The following KALRN variants were observed in gnomAD, a reference collection of about 807,000 sequenced individuals.
KALRN encodes the protein kalirin.
KALRN carries 70 observed loss-of-function variants against 353.7 expected under a neutral mutation model. The observed-to-expected ratio is 0.20, with a 90% CI of 0.16 to 0.24. The LOEUF is 0.24. Among genes scored for constraint, KALRN ranks in the 10% least tolerant of loss-of-function variants. The pLI is 1.00. For missense variants in KALRN, 2,791 were observed against 3,756.7 expected (o/e 0.74, Z 6.72); for synonymous variants, 1,391 against 1,434.8 (o/e 0.97, Z 0.69).
At chr3:124,631,535 G>A (rs1257413197) in intron 34 of KALRN, among the ~76,000 whole-genome samples, 1 of 152,054 alleles carries the variant, frequency 6.6e-6, no homozygotes, top group African/African-American at 2.4e-5. Context: ...CACATAGTCT[G>A]TCAGCAATTC....
chr3:124,517,823 G>A (rs576923504), intron 33 of KALRN, among the ~76,000 whole-genome samples: 3 of 152,132 alleles, frequency 2.0e-5, no homozygotes, highest in Admixed American at 6.5e-5. Context: ...TACTGTCAAC[G>A]ATGTACTATA....
At chr3:124,569,356 G>A (rs1230407399) in intron 34 of KALRN, among the ~76,000 whole-genome samples, 1 of 152,084 alleles carries the variant, frequency 6.6e-6, no homozygotes, top group Non-Finnish European at 1.5e-5. Context: ...ATAAAACTTG[G>A]GCTCTGAAGG....
At chr3:124,461,258 T>TA (rs1050612362) in intron 23 of KALRN, among the ~76,000 whole-genome samples, 1 of 152,204 alleles carries the variant, frequency 6.6e-6, no homozygotes, top group African/African-American at 2.4e-5. Flanking sequence ...TATTTTTTTT[T>TA]ACACATTGTC....
intron 57 of KALRN, among the ~76,000 whole-genome samples, chr3:124,710,588 A>C (rs1455379786): frequency 6.6e-6 from 1 of 152,164 alleles, no homozygotes; most frequent in Non-Finnish European, 1.5e-5. Flanking sequence ...GGAATTCAAG[A>C]CCAGCCTCGG....
chr3:124,045,351 A>G (rs1251868530), intron 1 of KALRN, among the ~76,000 whole-genome samples: 1 of 152,204 alleles, frequency 6.6e-6, no homozygotes, highest in East Asian at 1.9e-4. Flanking sequence ...ATAGGGAGTA[A>G]TGTCACAGCT....
chr3:124,040,937 G>A (rs879540950), intron 1 of KALRN, among the ~76,000 whole-genome samples: 1 of 152,246 alleles, frequency 6.6e-6, no homozygotes, highest in African/African-American at 2.4e-5. Flanking sequence ...GCAGTGCAGG[G>A]ATCCTGTGTG....
Position 124,519,658 on chromosome 3 carries a change from G to A in KALRN, c.4935+23245G>A, listed in dbSNP as rs575294191. The A allele has an allele frequency of 2.3e-4, 223 of 985,300 alleles. 1 individual carries two copies. In the South Asian group the frequency reaches 6.3e-3, roughly 28 times the overall value. 61.0% of individuals were successfully genotyped at this position (985,300 alleles called of 1,614,324 possible). The stretch of plus-strand genomic sequence containing the variant: ...ACTTGTTCAGTGTTCTGAACTTTTC[G>A]AAGGAATCGTGCTCTCAATGCAAAG... On this transcript the variant is annotated intron_variant, in intron 33 of 59. Transcript: ENST00000682506.
chr3:124,688,053 G>A (rs950652405), intron 51 of KALRN, among the ~76,000 whole-genome samples: 3 of 152,064 alleles, frequency 2.0e-5, no homozygotes, highest in Admixed American at 6.5e-5. Flanking sequence ...GCTCATACCT[G>A]TAATCCCAGC....
intron 1 of KALRN, among the ~76,000 whole-genome samples, chr3:124,150,715 C>T (rs748770871): frequency 3.9e-5 from 6 of 152,166 alleles, no homozygotes; most frequent in Admixed American, 6.6e-5. Flanking sequence ...AAACTTTTCA[C>T]TGAAGTATAG....
Position 124,667,122 on chromosome 3 carries a change from C to T in KALRN, c.6642C>T (p.Ile2214=). 6.2e-7 allele frequency: 1 copy of T among 1,614,190 alleles called. No individual in the cohort carries two copies. Among genetic ancestry groups the T allele is most frequent in the Non-Finnish European group, 8.5e-7 (1 of 1,180,036 alleles). ...TTCTGCAAGCCGCCAACGCTGACAT[C>T]CAGCAGGCCTGGGTGCAGGACATCA... ...RVVLQAANAD[I]QQAWVQDINQ... The change falls in exon 47 of 60, where the codon ATC becomes ATT. Residue 2214 remains isoleucine (I), a synonymous_variant. Transcript: ENST00000682506.
At chr3:124,153,256 A>C (rs2068457670) in intron 1 of KALRN, among the ~76,000 whole-genome samples, 1 of 118,758 alleles carries the variant, frequency 8.4e-6, no homozygotes, top group African/African-American at 3.1e-5. Flanking sequence ...TCCTAATGCT[A>C]TCCCTCCCCC....
intron 34 of KALRN, among the ~76,000 whole-genome samples, chr3:124,575,291 A>T (rs1217465998): frequency 6.6e-6 from 1 of 152,208 alleles, no homozygotes; most frequent in African/African-American, 2.4e-5. Flanking sequence ...CTTTGTACAC[A>T]GGAGGGCGAA....
At chr3:124,353,629 C>T (rs994961338) in intron 10 of KALRN, among the ~76,000 whole-genome samples, 1 of 152,030 alleles carries the variant, frequency 6.6e-6, no homozygotes, top group Non-Finnish European at 1.5e-5. Context: ...CCTTCTTTCT[C>T]TTCTTGCCAG....
intron 37 of KALRN, among the ~76,000 whole-genome samples, chr3:124,649,925 A>G (rs1051242243): frequency 2.0e-5 from 3 of 151,050 alleles, no homozygotes; most frequent in African/African-American, 7.3e-5. Flanking sequence ...GGAGTTCAAG[A>G]CCAGCCTGGG....
rs201108531 is a variant in KALRN at position 124,666,465 on chromosome 3, A to G, written c.6362A>G (p.Gln2121Arg). ...TTCCTTCAGGGCACTCTGACTGCTCAGGGGAAGCTGCTGCAGCAGGACACA... is the reference window on the plus strand; with the variant it reads ...TTCCTTCAGGGCACTCTGACTGCTCGGGGGAAGCTGCTGCAGCAGGACACA... ...LQGFEGTLTA[Q>R]GKLLQQDTFY... The change falls in exon 46 of 60, where the codon CAG (glutamine) becomes CGG (arginine). Residue 2121 changes from glutamine to arginine, a missense_variant. Coordinates refer to ENST00000682506, the MANE Select transcript of KALRN (RefSeq NM_001388419.1). 5.6e-6 allele frequency: 9 copies of G among 1,613,964 alleles called. No homozygotes were observed. Among genetic ancestry groups the G allele is most frequent in the Non-Finnish European group, 5.9e-6 (7 of 1,179,872 alleles).
At chr3:124,226,582 A>G (rs2078532770) in intron 1 of KALRN, among the ~76,000 whole-genome samples, 1 of 152,194 alleles carries the variant, frequency 6.6e-6, no homozygotes, top group Admixed American at 6.5e-5. Context: ...TTTTAGGTTT[A>G]GGGTATGACC....
chr3:124,423,268 A>G (rs2092867157), intron 15 of KALRN, among the ~76,000 whole-genome samples: 1 of 152,152 alleles, frequency 6.6e-6, no homozygotes, highest in Non-Finnish European at 1.5e-5. Flanking sequence ...CTTTCTTTCT[A>G]TCCTCAGTCC....
chr3:124,309,897 C>G (rs1158240869), intron 6 of KALRN, among the ~76,000 whole-genome samples: 1 of 152,160 alleles, frequency 6.6e-6, no homozygotes, highest in African/African-American at 2.4e-5. Context: ...CTTGCCCCTT[C>G]CATTCAATAT....
chr3:124,339,976 C>A (rs997685194), intron 9 of KALRN, among the ~76,000 whole-genome samples: 4 of 152,124 alleles, frequency 2.6e-5, no homozygotes, highest in Admixed American at 2.0e-4. Flanking sequence ...CATTTCTTTT[C>A]ATGGGTTTTG....
Sources: allele counts gnomAD v4.1 joint callset (sites outside exome capture counted in the v4.1 genomes callset), GRCh38; gene constraint gnomAD v4.1.1; transcripts MANE v1.5; gene names NCBI Gene and HGNC (gene_info 2026-07-23, HGNC 2026-07-21).